The following DOCK4 variants were observed in gnomAD, a reference collection of about 807,000 sequenced individuals.
The protein encoded by DOCK4 is dedicator of cytokinesis 4.
A neutral mutation model predicts 268.1 loss-of-function variants in DOCK4; 97 were observed. The observed-to-expected ratio is 0.36, with a 90% CI of 0.31 to 0.43. The LOEUF (loss-of-function observed/expected upper bound fraction) is 0.43. DOCK4 is among the 20% of genes least tolerant of loss of function. The pLI, the probability that DOCK4 is intolerant of heterozygous loss-of-function variation, is 1.00. For missense variants in DOCK4, 2,145 were observed against 2,455.7 expected, an observed-to-expected ratio of 0.87 and a Z score of 2.67; for synonymous variants, 954 against 887.2, an observed-to-expected ratio of 1.08 and a Z score of -1.34.
chr7:111,826,233 A>G (rs530284683), intron 26 of DOCK4, among the ~76,000 whole-genome samples: 1 of 152,332 alleles, frequency 6.6e-6, no homozygotes, highest in South Asian at 2.1e-4. Context: ...AGCAAGAGAG[A>G]GCACAGGGTT....
intron 1 of DOCK4, among the ~76,000 whole-genome samples, chr7:112,153,533 T>C (rs760592895): frequency 2.0e-5 from 3 of 152,214 alleles, no homozygotes; most frequent in African/African-American, 4.8e-5. Context: ...TTAAAAATGA[T>C]AGGCAATTCC....
At chr7:111,869,797 T>C in intron 20 of DOCK4, 142 bp from the exon 21 acceptor site, 1 of 664,466 alleles carries the variant, frequency 1.5e-6, no homozygotes, top group Non-Finnish European at 2.6e-6. Flanking sequence ...TGCTGTATAA[T>C]AATTTTACTA....
intron 1 of DOCK4, among the ~76,000 whole-genome samples, chr7:112,030,264 C>T (rs1803159847): frequency 6.6e-6 from 1 of 152,204 alleles, no homozygotes; most frequent in African/African-American, 2.4e-5. Context: ...CTGGGATGAG[C>T]ATTCATGTTG....
chr7:112,152,190 C>T (rs903617426), intron 1 of DOCK4, among the ~76,000 whole-genome samples: 2 of 152,126 alleles, frequency 1.3e-5, no homozygotes, highest in Non-Finnish European at 2.9e-5. Context: ...CTTCCATTTA[C>T]TATGTAACGA....
intron 1 of DOCK4, among the ~76,000 whole-genome samples, chr7:112,154,302 AGAATAAG>A (rs1422156603): frequency 6.6e-6 from 1 of 152,144 alleles, no homozygotes; most frequent in African/African-American, 2.4e-5. Context: ...TTAGATGAAA[AGAATAAG>A]TAATCTTTAA....
Position 111,888,942 on chromosome 7 carries a change from C to G in DOCK4, c.1587+6670G>C, listed in dbSNP as rs116427106. Among the ~76,000 whole-genome samples the G allele has an allele frequency of 8.1e-3, 1,234 of 152,178 alleles. 21 individuals carry two copies. Among genetic ancestry groups the G allele is most frequent in the African/African-American group, 0.029 (1,193 of 41,516 alleles). On this transcript the variant is annotated intron_variant, in intron 16 of 52. Coordinates refer to ENST00000428084, the MANE Select transcript of DOCK4 (RefSeq NM_001363540.2). The stretch of plus-strand genomic sequence containing the variant: ...GACACCTGGCTTAGGAAGAGGGGCT[C>G]TCTACTCCAGCAGCTATACAGGAAG...
At chr7:111,819,172 A>C (rs1801788947) in intron 27 of DOCK4, among the ~76,000 whole-genome samples, 1 of 152,222 alleles carries the variant, frequency 6.6e-6, no homozygotes. Context: ...TGAAATTTCA[A>C]CTGAAGAGAG....
chr7:111,728,375 T>TG lies in DOCK4; in HGVS notation c.5826dup (p.Lys1943GlnfsTer18), dbSNP rs1175746870. ...TGGCTGGATCGCGCTGCCAGAGGCT[T>TG]GGGGGGCAGCGCGGGCGGCTCCGAC... is the stretch of plus-strand genomic sequence containing the variant. On this transcript the variant is annotated frameshift_variant, in exon 53 of 53. Coordinates refer to ENST00000428084, the MANE Select transcript of DOCK4 (RefSeq NM_001363540.2). LOFTEE classifies it high-confidence loss of function. 4 of 1,540,212 alleles carry TG rather than the reference T, an allele frequency of 2.6e-6. No individual in the cohort carries two copies. Among genetic ancestry groups the TG allele is most frequent in the Non-Finnish European group, 2.6e-6 (3 of 1,143,838 alleles).
In DOCK4 at chr7:111,922,602, G is replaced by C. The variant is rs549329769; in HGVS notation, c.1067-6698C>G. Among the ~76,000 whole-genome samples, 3 of 151,656 alleles carry C rather than the reference G, an allele frequency of 2.0e-5. No individual in the cohort carries two copies. The South Asian group carries it at 6.2e-4, about 32-fold the overall frequency. On this transcript the variant is annotated intron_variant, in intron 12 of 52. Coordinates refer to ENST00000428084, the MANE Select transcript of DOCK4 (RefSeq NM_001363540.2). ...TTCTGGGTTCAGTTCTTTTTTTTCA[G>C]ATGGAGTCTTACTCTGTCGCCCAGG...
intron 52 of DOCK4, among the ~76,000 whole-genome samples, chr7:111,729,051 T>G: frequency 6.6e-6 from 1 of 152,090 alleles, no homozygotes; most frequent in East Asian, 1.9e-4. Flanking sequence ...ATCCTGGACT[T>G]CTACCTGCCA....
intron 31 of DOCK4, 79 bp downstream of exon 31, chr7:111,790,378 G>T: frequency 1.2e-5 from 19 of 1,532,906 alleles, no homozygotes; most frequent in Non-Finnish European, 1.7e-5. Flanking sequence ...TTCCCAAGTT[G>T]GAGTTGAATC....
chr7:112,167,534 A>C (rs1313701486), intron 1 of DOCK4, among the ~76,000 whole-genome samples: 1 of 152,226 alleles, frequency 6.6e-6, no homozygotes, highest in Non-Finnish European at 1.5e-5. Flanking sequence ...TCCGCCTATT[A>C]CTTTAAAATG....
intron 1 of DOCK4, among the ~76,000 whole-genome samples, chr7:112,059,280 T>G (rs1586737386): frequency 6.6e-6 from 1 of 151,772 alleles, no homozygotes. Flanking sequence ...GTAGCTGGGA[T>G]TACAGGTGCA....
chr7:112,055,277 AG>A (rs1323738148), intron 1 of DOCK4, among the ~76,000 whole-genome samples: 1 of 152,228 alleles, frequency 6.6e-6, no homozygotes, highest in Non-Finnish European at 1.5e-5. Flanking sequence ...AATAAAAACA[AG>A]GAAGATCATT....
chr7:111,961,797 T>C (rs188407893), intron 8 of DOCK4, among the ~76,000 whole-genome samples: 1 of 152,338 alleles, frequency 6.6e-6, no homozygotes, highest in Non-Finnish European at 1.5e-5. Context: ...GTAACGAGTA[T>C]TTTTATTCTA....
At chr7:111,948,657 C>T (rs571569300) in intron 8 of DOCK4, among the ~76,000 whole-genome samples, 22 of 151,472 alleles carry the variant, frequency 1.5e-4, no homozygotes, top group East Asian at 3.9e-4. Flanking sequence ...TGCAATGGCG[C>T]GATCTCGGCT....
intron 40 of DOCK4, among the ~76,000 whole-genome samples, chr7:111,759,716 G>A (rs1300539012): frequency 7.1e-6 from 1 of 140,338 alleles, no homozygotes; most frequent in Non-Finnish European, 1.5e-5. Context: ...GGATGCCATA[G>A]CTAAAAGCCC....
intron 24 of DOCK4, 38 bp downstream of exon 24, chr7:111,846,961 T>C: frequency 1.3e-6 from 2 of 1,580,614 alleles, no homozygotes; most frequent in Non-Finnish European, 1.7e-6. Flanking sequence ...CAGAAGCCAT[T>C]TGAAGGGAGC....
intron 1 of DOCK4, among the ~76,000 whole-genome samples, chr7:112,185,797 G>A (rs550687900): frequency 6.6e-6 from 1 of 152,300 alleles, no homozygotes; most frequent in East Asian, 1.9e-4. Context: ...CCACACCAAT[G>A]AATGCACAGT....
Sources: gnomAD v4.1 joint callset for allele counts (sites outside exome capture counted in the v4.1 genomes callset) on GRCh38, gnomAD v4.1.1 for gene constraint, MANE v1.5 for transcripts, NCBI Gene and HGNC (gene_info 2026-07-23, HGNC 2026-07-21) for gene names.